The following BUB1B variants were observed in gnomAD, a reference collection of about 807,000 sequenced individuals.
BUB1B encodes the protein BUB1 mitotic checkpoint serine/threonine kinase B.
Under a neutral mutation model 137.7 loss-of-function variants are expected in BUB1B, and 86 were observed. The observed-to-expected ratio is 0.62, with a 90% CI of 0.52 to 0.75. The LOEUF is 0.75. BUB1B is among the 30% of genes least tolerant of loss of function. The pLI, the probability that BUB1B is intolerant of heterozygous loss-of-function variation, is 0.00. For missense variants in BUB1B, 1,130 were observed against 1,236.9 expected, an observed-to-expected ratio of 0.91 and a Z score of 1.30; for synonymous variants, 420 against 417.9, an observed-to-expected ratio of 1.00 and a Z score of -0.06.
In BUB1B at chr15:40,185,291, A is replaced by G; in HGVS notation, c.878A>G (p.Gln293Arg). 1 of 1,614,226 alleles carries G rather than the reference A, an allele frequency of 6.2e-7. No homozygotes were observed. The highest frequency in any genetic ancestry group is 8.5e-7 in the Non-Finnish European group (1 of 1,180,042). ...GCAGAGTTGTCTAAGCCTACAGTCCAGCCATGGATAGCACCCCCCATGCCC... is the reference window on the plus strand; with the variant it reads ...GCAGAGTTGTCTAAGCCTACAGTCCGGCCATGGATAGCACCCCCCATGCCC... Reference protein sequence around the residue: ...STAELSKPTVQPWIAPPMPRA... With the variant: ...STAELSKPTVRPWIAPPMPRA... Residue 293 changes from glutamine to arginine, a missense_variant, in exon 7 of 23, where the codon CAG (glutamine) becomes CGG (arginine). By Grantham distance (43) the Gln-to-Arg change is conservative. Coordinates refer to ENST00000287598, the MANE Select transcript of BUB1B (RefSeq NM_001211.6).
Position 40,185,250 on chromosome 15 carries a change from T to C in BUB1B, c.837T>C (p.Ala279=), listed in dbSNP as rs761835271. ...GAATTACTGTTTTTGATGAAAATGC[T>C]GATGAGGCTTCTACAGCAGAGTTGT... The part of the protein sequence containing the change: ...NSRITVFDEN[A]DEASTAELSK... The change falls in exon 7 of 23, where the codon GCT becomes GCC. Residue 279 remains alanine (A), a synonymous_variant. Coordinates refer to ENST00000287598, the MANE Select transcript of BUB1B (RefSeq NM_001211.6). The C allele has an allele frequency of 6.2e-7, 1 of 1,614,184 alleles. No homozygotes were observed. Among genetic ancestry groups the C allele is most frequent in the East Asian group, 2.2e-5 (1 of 44,884 alleles).
At chr15:40,176,394 A>G in intron 4 of BUB1B, 83 bp from the exon 5 acceptor site, 1 of 1,168,434 alleles carries the variant, frequency 8.6e-7, no homozygotes, top group Admixed American at 1.7e-5. Context: ...AATTGCATGT[A>G]GTATCTCCAG....
chr15:40,183,620 G>C, intron 5 of BUB1B, 94 bp from the exon 6 acceptor site: 2 of 1,110,750 alleles, frequency 1.8e-6, no homozygotes, highest in Non-Finnish European at 2.7e-6. Flanking sequence ...CCCCCAGCCT[G>C]CTCTTCTAAT....
At chr15:40,172,437 A>G (rs1248536895) in intron 4 of BUB1B, among the ~76,000 whole-genome samples, 2 of 152,224 alleles carry the variant, frequency 1.3e-5, no homozygotes, top group Admixed American at 6.5e-5. Context: ...GTTGATGAAC[A>G]CATAGTTTGT....
rs567939663 is a variant in BUB1B at position 40,209,783 on chromosome 15, C to A, written c.2284+8C>A. 2.5e-6 allele frequency: 4 copies of A among 1,613,924 alleles called. No individual in the cohort carries two copies. The highest frequency in any genetic ancestry group is 2.7e-5 in the African/African-American group (2 of 74,980). On this transcript the variant is annotated splice_region_variant and intron_variant, in intron 17 of 22. Transcript: ENST00000287598. The stretch of plus-strand genomic sequence containing the variant: ...AGAAGGAAATTGAATTAGGTAAGTA[C>A]CATTGAACTCATGTCCTCTGGTTCA...
intron 14 of BUB1B, 127 bp from the exon 15 acceptor site, chr15:40,206,057 A>G (rs2037632400): frequency 4.2e-6 from 4 of 948,942 alleles, no homozygotes; most frequent in Non-Finnish European, 4.8e-6. Context: ...ACCTTTTTAT[A>G]TTTGCCTAGA....
At chr15:40,174,409 C>G (rs940109016) in intron 4 of BUB1B, among the ~76,000 whole-genome samples, 1 of 152,086 alleles carries the variant, frequency 6.6e-6, no homozygotes, top group African/African-American at 2.4e-5. Context: ...ATTTATTTAG[C>G]ATTTGTTGTA....
At chr15:40,162,860 C>T (rs535459642) in intron 1 of BUB1B, among the ~76,000 whole-genome samples, 36 of 151,934 alleles carry the variant, frequency 2.4e-4, no homozygotes, top group Admixed American at 1.9e-3. Context: ...TGTTATATCT[C>T]GTATTAGATC....
intron 1 of BUB1B, among the ~76,000 whole-genome samples, chr15:40,164,338 C>T (rs1200487520): frequency 6.6e-6 from 1 of 151,894 alleles, no homozygotes; most frequent in Non-Finnish European, 1.5e-5. Flanking sequence ...AGCAATGCTC[C>T]CACCTCAGTC....
chr15:40,200,136 C>A, intron 10 of BUB1B, 108 bp from the exon 11 acceptor site: 1 of 779,864 alleles, frequency 1.3e-6, no homozygotes, highest in South Asian at 1.5e-5. Flanking sequence ...TCATTTTGTA[C>A]TGTTAGTGGA....
intron 4 of BUB1B, among the ~76,000 whole-genome samples, chr15:40,173,295 TAAAAA>T (rs61078619): frequency 3.4e-4 from 29 of 85,890 alleles, no homozygotes; most frequent in African/African-American, 7.4e-4. Context: ...GAAAAAAAGA[TAAAAA>T]AAAAAAAAAA....
intron 20 of BUB1B, among the ~76,000 whole-genome samples, chr15:40,216,566 TATA>T (rs1309053797): frequency 0.093 from 8,889 of 95,170 alleles, 405 homozygotes; most frequent in East Asian, 0.16. Context: ...TATATATATA[TATA>T]TATTTTTTTT....
intron 19 of BUB1B, among the ~76,000 whole-genome samples, 156 bp downstream of exon 19, chr15:40,212,804 C>T (rs936038049): frequency 6.6e-6 from 1 of 152,132 alleles, no homozygotes; most frequent in East Asian, 1.9e-4. Flanking sequence ...GTTATTTTGA[C>T]CAAAGATCTC....
intron 8 of BUB1B, among the ~76,000 whole-genome samples, chr15:40,192,968 A>T (rs1566822731): frequency 6.6e-6 from 1 of 151,130 alleles, no homozygotes; most frequent in African/African-American, 2.4e-5. Flanking sequence ...CTCCCACCTC[A>T]TCCTCCCTAG....
chr15:40,213,894 TAA>T (rs2037744419), intron 20 of BUB1B, among the ~76,000 whole-genome samples: 2 of 152,192 alleles, frequency 1.3e-5, no homozygotes, highest in African/African-American at 4.8e-5. Flanking sequence ...CATATTATGT[TAA>T]GAGAGTATTT....
chr15:40,212,771 T>G (rs932388751), intron 19 of BUB1B, 123 bp downstream of exon 19: 2 of 897,218 alleles, frequency 2.2e-6, no homozygotes, highest in African/African-American at 3.4e-5. Context: ...CAAGTATAAG[T>G]TAGAAGCATT....
At chr15:40,216,849 A>G (rs1235902853) in intron 20 of BUB1B, among the ~76,000 whole-genome samples, 1 of 151,962 alleles carries the variant, frequency 6.6e-6, no homozygotes, top group Non-Finnish European at 1.5e-5. Context: ...CTTGGAGAAT[A>G]GCATTATTGC....
chr15:40,193,439 CTT>C lies in BUB1B; in HGVS notation c.1059-3094_1059-3093del, dbSNP rs71132152. Among the ~76,000 whole-genome samples the C allele has an allele frequency of 4.5e-3, 503 of 112,590 alleles. 2 individuals are homozygous for C. Among genetic ancestry groups the C allele is most frequent in the African/African-American group, 0.015 (396 of 26,146 alleles). The allele number at this position is 112,590 out of a possible 152,430, so 73.9% of individuals were successfully genotyped here. The stretch of plus-strand genomic sequence containing the variant: ...CATCTTTTCATATGCTTACTATCAT[CTT>C]TTTTTTTTTTTATATGCTTATTACC... On this transcript the variant is annotated intron_variant, in intron 8 of 22. Coordinates refer to ENST00000287598, the MANE Select transcript of BUB1B (RefSeq NM_001211.6).
chr15:40,176,649 T>A lies in BUB1B; in HGVS notation c.557T>A (p.Leu186Gln). 1 of 1,614,140 alleles carries A rather than the reference T, an allele frequency of 6.2e-7. No individual in the cohort carries two copies. Among genetic ancestry groups the A allele is most frequent in the Admixed American group, 1.7e-5 (1 of 60,022 alleles). The change falls in exon 5 of 23, where the codon CTA (leucine) becomes CAA (glutamine). Residue 186 changes from leucine to glutamine, a missense_variant. Coordinates refer to ENST00000287598, the MANE Select transcript of BUB1B (RefSeq NM_001211.6). Reference sequence around the variant, plus strand: ...GGGATTCAACAGAAGGCTGAACCACTAGAAAGACTACAGTCCCAGCACCGG... The same window carrying A: ...GGGATTCAACAGAAGGCTGAACCACAAGAAAGACTACAGTCCCAGCACCGG... Reference protein sequence around the residue: ...QEGIQQKAEPLERLQSQHRQF... With the variant: ...QEGIQQKAEPQERLQSQHRQF...
Sources: allele counts gnomAD v4.1 joint callset (sites outside exome capture counted in the v4.1 genomes callset), GRCh38; gene constraint gnomAD v4.1.1; transcripts MANE v1.5; gene names NCBI Gene and HGNC (gene_info 2026-07-23, HGNC 2026-07-21).